The following NOL10 variants were observed in gnomAD, a reference collection of about 807,000 sequenced individuals.
NOL10 encodes H_NH0074G24.1.
NOL10 carries 58 observed loss-of-function variants against 103.5 expected under a neutral mutation model. The ratio of observed to expected loss-of-function variants is 0.56; its 90% CI spans 0.45 to 0.70. The LOEUF (loss-of-function observed/expected upper bound fraction) is 0.70, where lower values mean the gene tolerates loss of function less well. Ranked by LOEUF, NOL10 falls within the 30% of genes least tolerant of loss-of-function variation. The pLI is 0.00. For missense variants in NOL10, 763 were observed against 807.3 expected (o/e 0.95, Z 0.67); for synonymous variants, 287 against 282.5 (o/e 1.02, Z -0.16).
intron 20 of NOL10, among the ~76,000 whole-genome samples, chr2:10,574,355 G>A (rs1157344561): frequency 6.6e-6 from 1 of 152,054 alleles, no homozygotes; most frequent in Non-Finnish European, 1.5e-5. Flanking sequence ...TATTTAAAAA[G>A]GGTTTCTTCA....
At chr2:10,670,848 T>C (rs1299658388) in intron 6 of NOL10, among the ~76,000 whole-genome samples, 2 of 152,232 alleles carry the variant, frequency 1.3e-5, no homozygotes, top group Non-Finnish European at 2.9e-5. Flanking sequence ...GTTTCTTAAA[T>C]ACATTTACTA....
At chr2:10,577,781 T>C in intron 19 of NOL10, 43 bp from the exon 20 acceptor site, 1 of 1,308,848 alleles carries the variant, frequency 7.6e-7, no homozygotes, top group East Asian at 2.4e-5. Flanking sequence ...CAAAATTATG[T>C]TTTAATTTAC....
At chr2:10,600,351 C>T (rs1047008781) in intron 17 of NOL10, among the ~76,000 whole-genome samples, 1 of 152,152 alleles carries the variant, frequency 6.6e-6, no homozygotes, top group Non-Finnish European at 1.5e-5. Context: ...CCTGCATACT[C>T]GTAAGAACAC....
intron 13 of NOL10, among the ~76,000 whole-genome samples, chr2:10,621,341 C>A (rs946289294): frequency 2.6e-5 from 4 of 152,110 alleles, no homozygotes; most frequent in African/African-American, 7.2e-5. Flanking sequence ...GGCCTGTAAT[C>A]CCAGCACTTT....
At chr2:10,585,639 G>A (rs750215142) in intron 19 of NOL10, among the ~76,000 whole-genome samples, 7 of 152,158 alleles carry the variant, frequency 4.6e-5, no homozygotes, top group Non-Finnish European at 8.8e-5. Context: ...CTTGGTATCC[G>A]CTGGGGAATT....
In NOL10 at chr2:10,659,347, G is replaced by T. The variant is rs965487835; in HGVS notation, c.678-97C>A. ...GTCTTCACTTCAAATCTAATGGGGG[G>T]GGGGGGGAGGAATCACATTTCTAGG... On this transcript the variant is annotated intron_variant, in intron 9 of 20. Coordinates refer to ENST00000381685, the MANE Select transcript of NOL10 (RefSeq NM_024894.4). 15 of 488,478 alleles carry T rather than the reference G, an allele frequency of 3.1e-5. 3 individuals are homozygous for T. Among genetic ancestry groups the T allele is most frequent in the African/African-American group, 8.4e-5 (4 of 47,488 alleles). 30.3% of individuals were successfully genotyped at this position (488,478 alleles called of 1,614,324 possible). A position where few individuals can be genotyped will look rare whatever the true frequency, so the allele number is the denominator to read the frequency against.
chr2:10,636,430 A>C (rs1678225358), intron 13 of NOL10, among the ~76,000 whole-genome samples: 1 of 149,436 alleles, frequency 6.7e-6, no homozygotes, highest in African/African-American at 2.4e-5. Flanking sequence ...CAAAAAAAAA[A>C]AAAAAAAAAA....
intron 17 of NOL10, among the ~76,000 whole-genome samples, chr2:10,597,206 A>G (rs1675737882): frequency 1.3e-5 from 2 of 152,206 alleles, no homozygotes; most frequent in African/African-American, 4.8e-5. Flanking sequence ...ACTGATTGAC[A>G]TTATGTGGTG....
At chr2:10,638,655 C>A (rs1295357717) in intron 13 of NOL10, among the ~76,000 whole-genome samples, 2 of 150,988 alleles carry the variant, frequency 1.3e-5, no homozygotes, top group Non-Finnish European at 3.0e-5. Flanking sequence ...TGACCCCCGG[C>A]TGATTTTTTG....
At chr2:10,640,275 G>A (rs773647657) in intron 13 of NOL10, among the ~76,000 whole-genome samples, 3 of 152,184 alleles carry the variant, frequency 2.0e-5, no homozygotes, top group Non-Finnish European at 4.4e-5. Context: ...CAGGCTTTCA[G>A]ACCCCTGGGC....
chr2:10,596,768 A>G (rs1036547754), intron 17 of NOL10, among the ~76,000 whole-genome samples: 1 of 152,186 alleles, frequency 6.6e-6, no homozygotes, highest in African/African-American at 2.4e-5. Flanking sequence ...AAAGAAAAGT[A>G]CATTCATCAG....
intron 19 of NOL10, among the ~76,000 whole-genome samples, chr2:10,583,635 T>G (rs1674874044): frequency 6.6e-6 from 1 of 152,272 alleles, no homozygotes; most frequent in African/African-American, 2.4e-5. Context: ...CATCCCTGAC[T>G]ATTCCCTTCT....
intron 9 of NOL10, among the ~76,000 whole-genome samples, chr2:10,660,598 G>A (rs552384977): frequency 3.3e-5 from 5 of 152,188 alleles, no homozygotes; most frequent in African/African-American, 9.6e-5. Context: ...GATTACAGGT[G>A]TGAGCCACCA....
intron 5 of NOL10, among the ~76,000 whole-genome samples, chr2:10,672,449 T>G (rs2148344844): frequency 6.6e-6 from 1 of 152,314 alleles, no homozygotes; most frequent in Middle Eastern, 3.4e-3. Flanking sequence ...ACAGATGGTA[T>G]TTAAAGGCAA....
At chr2:10,663,609 T>C (rs1048244245) in intron 8 of NOL10, among the ~76,000 whole-genome samples, 5 of 152,020 alleles carry the variant, frequency 3.3e-5, no homozygotes, top group African/African-American at 1.2e-4. Flanking sequence ...TTTACAAAGA[T>C]GTGAACTTTT....
At chr2:10,577,077 A>G (rs1674488969) in intron 20 of NOL10, among the ~76,000 whole-genome samples, 1 of 152,082 alleles carries the variant, frequency 6.6e-6, no homozygotes, top group African/African-American at 2.4e-5. Context: ...AGGTATTATT[A>G]CCACTGGCTA....
chr2:10,652,052 C>T (rs1306869677), intron 12 of NOL10, among the ~76,000 whole-genome samples: 1 of 151,940 alleles, frequency 6.6e-6, no homozygotes, highest in Non-Finnish European at 1.5e-5. Flanking sequence ...CCAGCCTGAC[C>T]AACATGGTGA....
intron 12 of NOL10, among the ~76,000 whole-genome samples, chr2:10,652,268 G>T (rs1679523687): frequency 6.8e-6 from 1 of 146,280 alleles, no homozygotes; most frequent in South Asian, 2.2e-4. Context: ...AAAGAAAAAA[G>T]AAAAAACAGC....
At chr2:10,645,483 T>C (rs1320681010) in intron 12 of NOL10, among the ~76,000 whole-genome samples, 1 of 152,068 alleles carries the variant, frequency 6.6e-6, no homozygotes, top group Non-Finnish European at 1.5e-5. Context: ...AGAAATGAGA[T>C]GCTGAGTGAA....
Sources: allele counts gnomAD v4.1 joint callset (sites outside exome capture counted in the v4.1 genomes callset), GRCh38; gene constraint gnomAD v4.1.1; transcripts MANE v1.5; gene names NCBI Gene and HGNC (gene_info 2026-07-23, HGNC 2026-07-21).